The following MAN2B1 variants were observed in gnomAD, a reference collection of about 807,000 sequenced individuals.
The protein encoded by MAN2B1 is lysosomal alpha-mannosidase.
Under a neutral mutation model 127.5 loss-of-function variants are expected in MAN2B1, and 99 were observed. The observed-to-expected ratio is 0.78, with a 90% CI of 0.66 to 0.92. The LOEUF (loss-of-function observed/expected upper bound fraction) is 0.92. Among genes scored for constraint, MAN2B1 ranks in the 40% least tolerant of loss-of-function variants. MAN2B1 has a pLI of 0.00. For missense variants in MAN2B1, 1,304 were observed against 1,384.8 expected, an observed-to-expected ratio of 0.94 and a Z score of 0.93; for synonymous variants, 573 against 568.8, an observed-to-expected ratio of 1.01 and a Z score of -0.11.
rs2024208771 is a variant in MAN2B1, at chr19:12,665,446, A to C, written c.342T>G (p.Arg114=). ...AGGCAATCTCCACGTAAATGAAGCG[A>C]CGGGTGGGATCTGCCAGCAAGGCAG... ...VISALLADPT[R]RFIYVEIAFF... The change falls in exon 3 of 24, where the codon CGT becomes CGG. Residue 114 remains arginine (R), a synonymous_variant. Transcript: ENST00000456935. 2 of 1,614,082 alleles carry C rather than the reference A, an allele frequency of 1.2e-6. No individual in the cohort carries two copies. The highest frequency in any genetic ancestry group is 4.5e-5 in the East Asian group (2 of 44,880).
chr19:12,650,610 G>C (rs542525502), intron 16 of MAN2B1, among the ~76,000 whole-genome samples: 1 of 151,474 alleles, frequency 6.6e-6, no homozygotes, highest in Non-Finnish European at 1.5e-5. Flanking sequence ...AGCCCGCCTC[G>C]GCCTCCCAAA....
Position 12,657,707 on chromosome 19 carries a change from C to A in MAN2B1, c.1310-152G>T, listed in dbSNP as rs2024002412. The A allele has an allele frequency of 4.1e-6, 3 of 732,656 alleles. No homozygotes were observed. In the South Asian group the frequency reaches 4.6e-5, roughly 11 times the overall value. 45.4% of individuals were successfully genotyped at this position (732,656 alleles called of 1,614,324 possible). On this transcript the variant is annotated intron_variant, in intron 10 of 23. Transcript: ENST00000456935. ...GGGGCGGTGGCTCACGCCTGTAATC[C>A]CAGCACTTTGAGAGACCGAGGCGGG... is the stretch of plus-strand genomic sequence containing the variant.
At chr19:12,657,123 G>T in intron 11 of MAN2B1, 67 bp from the exon 12 acceptor site, 1 of 948,126 alleles carries the variant, frequency 1.1e-6, no homozygotes, top group Non-Finnish European at 1.7e-6. Flanking sequence ...CTCTCCTCAG[G>T]CCCCGCCCCG....
At chr19:12,652,614 C>T (rs1398672886) in intron 14 of MAN2B1, among the ~76,000 whole-genome samples, 154 bp from the exon 15 acceptor site, 4 of 151,478 alleles carry the variant, frequency 2.6e-5, no homozygotes, top group South Asian at 2.1e-4. Flanking sequence ...TCACTGCACC[C>T]CCCACCTCCC....
In MAN2B1 at chr19:12,666,720, T is replaced by G; in HGVS notation, c.-19A>C. 1 of 1,546,420 alleles carries G rather than the reference T, an allele frequency of 6.5e-7. No homozygotes were observed. The highest frequency in any genetic ancestry group is 8.7e-7 in the Non-Finnish European group (1 of 1,146,022). ...CGCCCATGGCTCAGCAGCTTCCTCCTGGGGTTCCCCGGCCCTGGAAAGGCC... is the reference window on the plus strand; with the variant it reads ...CGCCCATGGCTCAGCAGCTTCCTCCGGGGGTTCCCCGGCCCTGGAAAGGCC... On this transcript the variant is annotated 5_prime_UTR_variant, in exon 1 of 24. Transcript: ENST00000456935.
chr19:12,649,174 C>G lies in MAN2B1; in HGVS notation c.2398G>C (p.Gly800Arg), dbSNP rs398123456. The G allele has an allele frequency of 3.1e-6, 5 of 1,612,740 alleles. No individual in the cohort carries two copies. Among genetic ancestry groups the G allele is most frequent in the East Asian group, 2.2e-5 (1 of 44,864 alleles). Residue 800 changes from glycine to arginine, a missense_variant, in exon 20 of 24, where the codon GGG becomes CGG. Gly to Arg is a moderately radical substitution (Grantham distance 125). Coordinates refer to ENST00000456935, the MANE Select transcript of MAN2B1 (RefSeq NM_000528.4). ...GAGCCATCTCTCAGGCTGCTGCCCC[C>G]CTGGGAGCGGTCAGTCAGCACAGTC... ...QLTVLTDRSQGGSSLRDGSLE... is the reference protein window; with the variant it reads ...QLTVLTDRSQRGSSLRDGSLE...
rs1473623457 is a variant in MAN2B1, at chr19:12,647,364, G to A, written c.2821-29C>T. ...CGGGGAAGGGGATGGGCCCAGATGA[G>A]TTGGGGCAAAGCCAGGTTTCTCTTC... is the stretch of plus-strand genomic sequence containing the variant. On this transcript the variant is annotated intron_variant, in intron 22 of 23. Coordinates refer to ENST00000456935, the MANE Select transcript of MAN2B1 (RefSeq NM_000528.4). This position sits in a 1 kb window ranked among gnomAD's most constrained non-coding sequence, Gnocchi z 4.9. 1.2e-6 allele frequency: 2 copies of A among 1,611,260 alleles called. No homozygotes were observed. Among genetic ancestry groups the A allele is most frequent in the Non-Finnish European group, 1.7e-6 (2 of 1,177,342 alleles).
chr19:12,666,496 G>A, intron 1 of MAN2B1, 47 bp downstream of exon 1: 1 of 1,554,640 alleles, frequency 6.4e-7, no homozygotes, highest in Non-Finnish European at 8.7e-7. Context: ...CTGTATTCTG[G>A]GTTTCACTCT....
chr19:12,649,386 G>A lies in MAN2B1; in HGVS notation c.2310C>T (p.Pro770=), dbSNP rs35880640. The change falls in exon 19 of 24, where the codon CCC becomes CCT. Residue 770 remains proline, a synonymous_variant. Transcript: ENST00000456935. ...RPTWKLNQTE[P]VAGNYYPVNT... is the part of the protein sequence containing the mutation. The stretch of plus-strand genomic sequence containing the variant: ...TGACTGGATAGTAGTTTCCTGCCAC[G>A]GGCTCCGTCTGGTTCAGTTTCCAGG... The A allele has an allele frequency of 0.011, 18,043 of 1,613,058 alleles. 249 individuals are homozygous for A. Among genetic ancestry groups the A allele is most frequent in the African/African-American group, 0.064 (4,754 of 74,804 alleles).
rs746808159 is a variant in MAN2B1 at position 12,663,438 on chromosome 19, G to A, written c.788C>T (p.Pro263Leu). Residue 263 changes from proline (P) to leucine (L), a missense_variant, in exon 6 of 24, where the codon CCG becomes CTG. Coordinates refer to ENST00000456935, the MANE Select transcript of MAN2B1 (RefSeq NM_000528.4). The stretch of plus-strand genomic sequence containing the variant: ...CACATCCCAGCACAGATTCCTTGGC[G>A]GGTTGTAACCATTGGGAAGCACACC... Reference protein sequence around the residue: ...FTGVLPNGYNPPRNLCWDVLC... With the variant: ...FTGVLPNGYNLPRNLCWDVLC... The A allele has an allele frequency of 4.3e-6, 7 of 1,614,080 alleles. No homozygotes were observed. Among genetic ancestry groups the A allele is most frequent in the Admixed American group, 1.7e-5 (1 of 59,996 alleles).
At chr19:12,665,259 C>T in intron 3 of MAN2B1, 93 bp downstream of exon 3, 1 of 1,490,338 alleles carries the variant, frequency 6.7e-7, no homozygotes. Flanking sequence ...TGTTATACAG[C>T]TTGCACGTGG....
At chr19:12,665,271 A>G (rs987949757) in intron 3 of MAN2B1, 81 bp downstream of exon 3, 8 of 1,544,990 alleles carry the variant, frequency 5.2e-6, no homozygotes, top group Non-Finnish European at 6.2e-6. Flanking sequence ...TGCACGTGGC[A>G]TGACAAATCT....
intron 18 of MAN2B1, 21 bp downstream of exon 18, chr19:12,649,892 G>C: frequency 6.3e-7 from 1 of 1,578,514 alleles, no homozygotes; most frequent in Non-Finnish European, 8.6e-7. Context: ...CACCCCCTCA[G>C]TGCTCTCAGT....
rs759078247 is a variant in MAN2B1, at chr19:12,646,646, C to T, written c.3010G>A (p.Val1004Ile). The T allele has an allele frequency of 6.2e-7, 1 of 1,613,876 alleles. No individual in the cohort carries two copies. The highest frequency in any genetic ancestry group is 1.1e-5 in the South Asian group (1 of 91,076). The change falls in exon 24 of 24, where the codon GTT becomes ATT. Residue 1004 changes from valine (V) to isoleucine (I), a missense_variant. Physicochemically the swap from Val to Ile is conservative, Grantham distance 29. Coordinates refer to ENST00000456935, the MANE Select transcript of MAN2B1 (RefSeq NM_000528.4). The part of the protein sequence containing the change: ...PMEIRTFLAS[V>I]QWKEVDG Reference sequence around the variant, plus strand: ...TAACCATCCACCTCCTTCCATTGAACTGAGGCCAGGAAAGTGCGGATTTCC... The same window carrying T: ...TAACCATCCACCTCCTTCCATTGAATTGAGGCCAGGAAAGTGCGGATTTCC...
At chr19:12,658,189 G>A in intron 9 of MAN2B1, 35 bp downstream of exon 9, 1 of 1,613,772 alleles carries the variant, frequency 6.2e-7, no homozygotes, top group Non-Finnish European at 8.5e-7. Flanking sequence ...CGGGCCTCGG[G>A]GCTGCATGCC....
rs139366493 is a variant in MAN2B1, at chr19:12,647,532, C to T, written c.2731G>A (p.Glu911Lys). The change falls in exon 22 of 24, where the codon GAA becomes AAA. Residue 911 changes from glutamate (E) to lysine (K), a missense_variant. Transcript: ENST00000456935. This position sits in a 1 kb window ranked among gnomAD's most constrained non-coding sequence, Gnocchi z 4.9. ...HLLTLASWGPEMVLLRLEHQF... is the reference protein window; with the variant it reads ...HLLTLASWGPKMVLLRLEHQF... ...TGCTCCAAGCGCAGCAGCACCATTT[C>T]GGGGCCCCAGCTGGCCAGCGTGAGC... 385 of 1,614,082 alleles carry T rather than the reference C, an allele frequency of 2.4e-4. No individual in the cohort carries two copies. Among genetic ancestry groups the T allele is most frequent in the Non-Finnish European group, 3.1e-4 (368 of 1,180,030 alleles).
At position 12,650,118 on chromosome 19, in the gene MAN2B1, C is replaced by A; in HGVS notation, c.2151G>T (p.Gly717=). The stretch of plus-strand genomic sequence containing the variant: ...GTGCCACTCACCCCACAGGTATCGG[C>A]CCCACCGACCACTCTAGCTCCAGGT... ...QRHLELEWSV[G]PIPVGDTWGK... The change falls in exon 17 of 24, where the codon GGG becomes GGT. Residue 717 remains glycine, a synonymous_variant. Coordinates refer to ENST00000456935, the MANE Select transcript of MAN2B1 (RefSeq NM_000528.4). The A allele has an allele frequency of 6.2e-7, 1 of 1,613,974 alleles. No individual in the cohort carries two copies. The highest frequency in any genetic ancestry group is 8.5e-7 in the Non-Finnish European group (1 of 1,179,950).
At chr19:12,658,037 C>G in intron 10 of MAN2B1, 26 bp downstream of exon 10, 1 of 1,604,096 alleles carries the variant, frequency 6.2e-7, no homozygotes, top group East Asian at 2.3e-5. Context: ...CCGCAAACCT[C>G]TTCCCCTCTT....
intron 14 of MAN2B1, among the ~76,000 whole-genome samples, chr19:12,654,128 C>T (rs768355479): frequency 4.0e-5 from 6 of 151,452 alleles, no homozygotes; most frequent in South Asian, 2.1e-4. Flanking sequence ...CTGCAAGCTC[C>T]GCCTTCCGGG....
Sources: allele counts gnomAD v4.1 joint callset (sites outside exome capture counted in the v4.1 genomes callset), GRCh38; gene constraint gnomAD v4.1.1; non-coding constraint Gnocchi (gnomAD v3.1); transcripts MANE v1.5; gene names NCBI Gene and HGNC (gene_info 2026-07-23, HGNC 2026-07-21).